Variants in C11orf65 observed in about 807,000 individuals in gnomAD.
C11orf65 encodes the protein chromosome 11 open reading frame 65.
Under a neutral mutation model 35.3 loss-of-function variants are expected in C11orf65, and 38 were observed. The ratio of observed to expected loss-of-function variants is 1.08; its 90% CI spans 0.83 to 1.41. The LOEUF is 1.41. Among genes scored for constraint, C11orf65 ranks in the 40% most tolerant of loss-of-function variants. C11orf65 has a pLI of 0.00. For missense variants in C11orf65, 370 were observed against 367.1 expected (o/e 1.01, Z -0.06); for synonymous variants, 105 against 114.4 (o/e 0.92, Z 0.53).
Position 108,345,805 on chromosome 11 carries a change from T to G in C11orf65, c.227-10513A>C, listed in dbSNP as rs886047614. The G allele has an allele frequency of 6.2e-7, 1 of 1,613,922 alleles. No individual in the cohort carries two copies. On this transcript the variant is annotated intron_variant, in intron 2 of 3. Coordinates refer to the C11orf65 transcript ENST00000524755. ...TCTTCATGGATGTTTGCCAAAATTTTCAACCAGTTTTCCGTTACTTCTGCA... is the reference window on the plus strand; with the variant it reads ...TCTTCATGGATGTTTGCCAAAATTTGCAACCAGTTTTCCGTTACTTCTGCA...
At chr11:108,331,715 T>A in intron 3 of C11orf65, 2 of 1,308,944 alleles carry the variant, frequency 1.5e-6, no homozygotes, top group African/African-American at 1.5e-5. Context: ...TTTCTCTCTC[T>A]AATTCCTCAT....
intron 5 of C11orf65, among the ~76,000 whole-genome samples, chr11:108,405,943 T>C (rs2092532001): frequency 6.6e-6 from 1 of 152,244 alleles, no homozygotes; most frequent in Non-Finnish European, 1.5e-5. Flanking sequence ...GAAGTCCCTG[T>C]ACCATGTCCT....
chr11:108,393,369 T>G lies in C11orf65; in HGVS notation c.570A>C (p.Ser190=). The G allele has an allele frequency of 1.9e-6, 3 of 1,613,762 alleles. No homozygotes were observed. Among genetic ancestry groups the G allele is most frequent in the Non-Finnish European group, 2.5e-6 (3 of 1,179,742 alleles). Residue 190 remains serine (S), a synonymous_variant, in exon 7 of 9, where the codon TCA becomes TCC. Transcript: ENST00000393084. ...GTGTTGACTTAGCCTCCAGACTTCC[T>G]GAGTAGTACCTAAATAGGCAAAAGG... The part of the protein sequence containing the change: ...KIEWMRQMYY[S]GSLEAKSTHH...
chr11:108,320,365 T>G (rs1353708428), intron 6 of C11orf65, among the ~76,000 whole-genome samples: 1 of 152,216 alleles, frequency 6.6e-6, no homozygotes, highest in Non-Finnish European at 1.5e-5. Flanking sequence ...GCATTTAGTG[T>G]TCTAATTTAT....
Position 108,349,060 on chromosome 11 carries a change from C to T in C11orf65, c.227-13768G>A, listed in dbSNP as rs150567291. Among the ~76,000 whole-genome samples the T allele has an allele frequency of 3.9e-5, 6 of 152,142 alleles. No individual in the cohort carries two copies. The East Asian group carries it at 7.7e-4, about 20-fold the overall frequency. On this transcript the variant is annotated intron_variant, in intron 2 of 3. Coordinates refer to the C11orf65 transcript ENST00000524755. ...GGAGGTTCTGATCTCACACATCATC[C>T]GTGATAAAGAGACCTAAAGATGAAA...
chr11:108,415,384 G>A (rs1245818864), intron 3 of C11orf65, among the ~76,000 whole-genome samples: 1 of 151,858 alleles, frequency 6.6e-6, no homozygotes, highest in Non-Finnish European at 1.5e-5. Context: ...AAAATACTTA[G>A]GTATAAATCT....
chr11:108,364,178 C>A (rs2091092936), intron 2 of C11orf65, among the ~76,000 whole-genome samples: 1 of 152,150 alleles, frequency 6.6e-6, no homozygotes. Flanking sequence ...ATAGTCCCAA[C>A]CTGCAGATTT....
chr11:108,419,253 A>C (rs2092782763), intron 3 of C11orf65, among the ~76,000 whole-genome samples: 1 of 152,226 alleles, frequency 6.6e-6, no homozygotes. Flanking sequence ...GTGATATTTT[A>C]AAGGGATAAG....
intron 2 of C11orf65, chr11:108,365,231 T>G: frequency 6.2e-7 from 1 of 1,614,180 alleles, no homozygotes; most frequent in East Asian, 2.2e-5. Flanking sequence ...GAGCAGTATT[T>G]TAAGAAGGTC....
chr11:108,346,482 C>A (rs2088414669), intron 2 of C11orf65: 1 of 150,944 alleles, frequency 6.6e-6, no homozygotes, highest in South Asian at 2.1e-4. Context: ...CATTAGAGAT[C>A]ATCTAATCTA....
intron 2 of C11orf65, among the ~76,000 whole-genome samples, chr11:108,362,406 C>G (rs2137731095): frequency 6.6e-6 from 1 of 151,962 alleles, no homozygotes; most frequent in South Asian, 2.1e-4. Flanking sequence ...CCTCAGGGAT[C>G]TAGAATTAGA....
intron 2 of C11orf65, among the ~76,000 whole-genome samples, chr11:108,458,620 C>T (rs748685484): frequency 2.0e-5 from 3 of 152,112 alleles, no homozygotes; most frequent in Non-Finnish European, 4.4e-5. Context: ...CACTATTGTC[C>T]AACATACAGA....
At chr11:108,368,113 T>G in intron 2 of C11orf65, 1 of 207,644 alleles carries the variant, frequency 4.8e-6, no homozygotes, top group Non-Finnish European at 9.8e-6. Flanking sequence ...GTTCAAGTAT[T>G]CTAATCAATG....
chr11:108,407,553 C>A (rs1160991793), intron 3 of C11orf65, among the ~76,000 whole-genome samples: 1 of 149,762 alleles, frequency 6.7e-6, no homozygotes, highest in Non-Finnish European at 1.5e-5. Context: ...TTCTTGGCCT[C>A]AAGTGATACT....
At chr11:108,371,881 C>T (rs565844693) in intron 2 of C11orf65, among the ~76,000 whole-genome samples, 3 of 152,184 alleles carry the variant, frequency 2.0e-5, no homozygotes, top group Non-Finnish European at 4.4e-5. Flanking sequence ...TCTCAACATC[C>T]TTATCAACAC....
chr11:108,437,201 C>A (rs1266038898), intron 2 of C11orf65, among the ~76,000 whole-genome samples: 1 of 151,378 alleles, frequency 6.6e-6, no homozygotes, highest in African/African-American at 2.4e-5. Context: ...GTAGGAGGAT[C>A]ACTTGAGCTC....
intron 2 of C11orf65, among the ~76,000 whole-genome samples, chr11:108,357,258 A>T (rs61544913): frequency 0.048 from 7,319 of 152,230 alleles, 590 homozygotes; most frequent in African/African-American, 0.17. Flanking sequence ...ACGGCGCACC[A>T]CGAGATTATA....
intron 2 of C11orf65, among the ~76,000 whole-genome samples, chr11:108,455,766 A>C (rs749285107): frequency 6.3e-5 from 9 of 143,854 alleles, no homozygotes; most frequent in Non-Finnish European, 1.0e-4. Context: ...CAGTGAGCTG[A>C]GATCACATCA....
chr11:108,437,903 A>T (rs373584494), intron 2 of C11orf65, among the ~76,000 whole-genome samples: 23 of 152,184 alleles, frequency 1.5e-4, no homozygotes, highest in African/African-American at 5.5e-4. Flanking sequence ...CCTAAAATCT[A>T]TGTGGAACAC....
Sources: allele counts gnomAD v4.1 joint callset (sites outside exome capture counted in the v4.1 genomes callset), GRCh38; gene constraint gnomAD v4.1.1; transcripts MANE v1.5; gene names NCBI Gene and HGNC (gene_info 2026-07-23, HGNC 2026-07-21).